Variants in PCDH11X observed in about 807,000 individuals in gnomAD.
PCDH11X encodes protocadherin 11 X-linked.
A neutral mutation model predicts 53.3 loss-of-function variants in PCDH11X; 18 were observed. The observed-to-expected ratio is 0.34, with a 90% confidence interval of 0.23 to 0.50. The LOEUF (loss-of-function observed/expected upper bound fraction) is 0.50. Ranked by LOEUF, PCDH11X falls within the 20% of genes least tolerant of loss-of-function variation. The pLI, the probability that PCDH11X is intolerant of heterozygous loss-of-function variation, is 0.98. For missense variants in PCDH11X, 570 were observed against 1,032.4 expected (o/e 0.55, Z 6.14); for synonymous variants, 279 against 393.3 (o/e 0.71, Z 3.44).
chrX:92,557,654 G>GCCCTCCAA (rs2075067017), intron 10 of PCDH11X, among the ~76,000 whole-genome samples: 4 of 108,507 alleles, frequency 3.7e-5, no homozygotes, highest in Non-Finnish European at 7.7e-5. Context: ...CCTCTATGAA[G>GCCCTCCAA]GTCCAAACTT....
intron 5 of PCDH11X, among the ~76,000 whole-genome samples, chrX:91,876,058 A>T (rs773716593): frequency 8.9e-6 from 1 of 111,756 alleles, no homozygotes; most frequent in African/African-American, 3.3e-5. Context: ...ATCTTGCAAA[A>T]ATTTAGTGAC....
intron 7 of PCDH11X, among the ~76,000 whole-genome samples, chrX:92,246,541 G>A (rs967373562): frequency 3.6e-5 from 4 of 110,482 alleles, no homozygotes; most frequent in African/African-American, 1.3e-4. Flanking sequence ...TAGTAGAGAC[G>A]GGGTTTCGCC....
At chrX:92,279,419 GC>G (rs1431393912) in intron 8 of PCDH11X, among the ~76,000 whole-genome samples, 1 of 111,666 alleles carries the variant, frequency 9.0e-6, no homozygotes, top group Non-Finnish European at 1.9e-5. Flanking sequence ...CACAAATATT[GC>G]CCTTAATATT....
At chrX:91,860,540 C>T (rs756725803) in intron 5 of PCDH11X, among the ~76,000 whole-genome samples, 5 of 111,536 alleles carry the variant, frequency 4.5e-5, no homozygotes, top group South Asian at 3.8e-4. Flanking sequence ...TGTCTTGTGC[C>T]GGTTTTCAGG....
At chrX:92,456,903 C>A (rs865884710) in intron 9 of PCDH11X, among the ~76,000 whole-genome samples, 62 of 106,672 alleles carry the variant, frequency 5.8e-4, no homozygotes, top group Middle Eastern at 9.6e-3. Context: ...TGGAAAATGT[C>A]TTTTCTTGTT....
At chrX:92,320,610 C>G (rs2069178515) in intron 8 of PCDH11X, among the ~76,000 whole-genome samples, 1 of 110,999 alleles carries the variant, frequency 9.0e-6, no homozygotes, top group Non-Finnish European at 1.9e-5. Flanking sequence ...TTTGAAGATA[C>G]TGGAATGAAA....
At chrX:92,226,937 A>C (rs775015422) in intron 7 of PCDH11X, among the ~76,000 whole-genome samples, 2 of 111,910 alleles carry the variant, frequency 1.8e-5, no homozygotes, top group South Asian at 7.5e-4. Context: ...TTGTTTTTTA[A>C]ATTAATCCTT....
chrX:92,420,120 C>A (rs867514143), intron 9 of PCDH11X, among the ~76,000 whole-genome samples: 4 of 111,274 alleles, frequency 3.6e-5, no homozygotes, highest in Non-Finnish European at 7.5e-5. Flanking sequence ...CCTAACCTTT[C>A]ACAGTTTACT....
chrX:92,592,661 G>A (rs1925154136), intron 10 of PCDH11X, among the ~76,000 whole-genome samples: 2 of 111,848 alleles, frequency 1.8e-5, no homozygotes, highest in Non-Finnish European at 1.9e-5. Flanking sequence ...AACCGGGGAA[G>A]CGGAGGTTGC....
intron 10 of PCDH11X, among the ~76,000 whole-genome samples, chrX:92,472,957 A>G (rs1409026827): frequency 9.1e-6 from 1 of 109,467 alleles, no homozygotes; most frequent in East Asian, 2.9e-4. Context: ...CACTTTTTGC[A>G]CATTGATTTT....
intron 6 of PCDH11X, among the ~76,000 whole-genome samples, chrX:92,178,212 C>A (rs1281909225): frequency 9.0e-6 from 1 of 111,425 alleles, no homozygotes; most frequent in African/African-American, 3.3e-5. Context: ...ATCCCAAAGC[C>A]CCCAGTGACT....
At chrX:92,403,329 GTTTTTTTTTGTTTTT>G (rs2071429985) in intron 9 of PCDH11X, among the ~76,000 whole-genome samples, 1 of 58,803 alleles carries the variant, frequency 1.7e-5, no homozygotes, top group African/African-American at 7.8e-5. Flanking sequence ...GGGCATTTAC[GTTTTTTTTTGTTTTT>G]TTTTTTTTTT....
chrX:92,302,164 C>T (rs1470535634), intron 8 of PCDH11X, among the ~76,000 whole-genome samples: 1 of 111,332 alleles, frequency 9.0e-6, no homozygotes, highest in Non-Finnish European at 1.9e-5. Flanking sequence ...TTAGCCTCGA[C>T]AACAGGAAGT....
intron 9 of PCDH11X, among the ~76,000 whole-genome samples, chrX:92,456,637 A>C: frequency 9.0e-6 from 1 of 111,725 alleles, no homozygotes; most frequent in Middle Eastern, 4.6e-3. Context: ...TTATTCAAAA[A>C]ACCTTTTAAC....
At chrX:92,140,638 A>G (rs1268473299) in intron 6 of PCDH11X, among the ~76,000 whole-genome samples, 1 of 112,007 alleles carries the variant, frequency 8.9e-6, no homozygotes, top group Non-Finnish European at 1.9e-5. Flanking sequence ...CTTGAAAAAT[A>G]AAAACATTTA....
intron 10 of PCDH11X, among the ~76,000 whole-genome samples, chrX:92,527,843 C>G (rs1603358034): frequency 1.9e-5 from 2 of 104,491 alleles, no homozygotes; most frequent in South Asian, 7.4e-4. Flanking sequence ...CTTTGCTGAC[C>G]CCAGAACTAA....
At chrX:92,534,781 G>T (rs1305634101) in intron 10 of PCDH11X, among the ~76,000 whole-genome samples, 2 of 111,669 alleles carry the variant, frequency 1.8e-5, no homozygotes, top group Non-Finnish European at 3.8e-5. Context: ...TTTCAACCCA[G>T]AATTTCATAT....
chrX:92,417,895 G>A (rs1396822103), intron 9 of PCDH11X, among the ~76,000 whole-genome samples: 3 of 91,819 alleles, frequency 3.3e-5, no homozygotes, highest in African/African-American at 8.1e-5. Context: ...GAAGGTTAAG[G>A]CTCGCATAGC....
At chrX:92,223,979 A>T (rs1206328483) in intron 7 of PCDH11X, among the ~76,000 whole-genome samples, 3 of 111,628 alleles carry the variant, frequency 2.7e-5, no homozygotes, top group Admixed American at 1.9e-4. Context: ...TAATGCACAC[A>T]TTATATGTAC....
Sources: gnomAD v4.1 joint callset for allele counts (sites outside exome capture counted in the v4.1 genomes callset) on GRCh38, gnomAD v4.1.1 for gene constraint, MANE v1.5 for transcripts, NCBI Gene and HGNC (gene_info 2026-07-23, HGNC 2026-07-21) for gene names.